The following ACTL6B variants were observed in gnomAD, a reference collection of about 807,000 sequenced individuals.
ACTL6B encodes actin-like protein 6B.
Under a neutral mutation model 63.3 loss-of-function variants are expected in ACTL6B, and 48 were observed. The observed-to-expected ratio is 0.76, with a 90% CI of 0.60 to 0.96. ACTL6B has a LOEUF of 0.96. ACTL6B is among the 50% of genes least tolerant of loss of function. The pLI, the probability that ACTL6B is intolerant of heterozygous loss-of-function variation, is 0.00. For synonymous variants in ACTL6B, 230 were observed against 223.8 expected (o/e 1.03, Z -0.25); for missense variants, 350 against 572.2 (o/e 0.61, Z 3.96).
At chr7:100,653,916 T>A (rs1013306037) in intron 4 of ACTL6B, among the ~76,000 whole-genome samples, 1 of 152,074 alleles carries the variant, frequency 6.6e-6, no homozygotes, top group Non-Finnish European at 1.5e-5. Flanking sequence ...AAACAGTTGC[T>A]TTTATAAAGA....
intron 4 of ACTL6B, among the ~76,000 whole-genome samples, chr7:100,650,701 G>A (rs2131336250): frequency 6.6e-6 from 1 of 152,190 alleles, no homozygotes; most frequent in Admixed American, 6.6e-5. Context: ...TAAGGAGCTT[G>A]TGGGAATTAA....
In ACTL6B at chr7:100,647,410, G is replaced by T. The variant is rs1391666036; in HGVS notation, c.759+34C>A. Reference sequence around the variant, plus strand: ...CCCGCCCCCGATTCATGGCAGGGGAGGGGGGTTTCAGGTGGCCCTCTCCAG... The same window carrying T: ...CCCGCCCCCGATTCATGGCAGGGGATGGGGGTTTCAGGTGGCCCTCTCCAG... On this transcript the variant is annotated intron_variant, in intron 8 of 13. Transcript: ENST00000160382. The surrounding 1 kb of genome is among the most constrained non-coding windows in gnomAD (Gnocchi z 4.4). 24 of 1,601,322 alleles carry T rather than the reference G, an allele frequency of 1.5e-5. No individual in the cohort carries two copies. Among genetic ancestry groups the T allele is most frequent in the Non-Finnish European group, 2.1e-5 (24 of 1,169,242 alleles).
chr7:100,644,701 C>T (rs1803789881), intron 13 of ACTL6B, among the ~76,000 whole-genome samples: 1 of 150,790 alleles, frequency 6.6e-6, no homozygotes, highest in African/African-American at 2.4e-5. Flanking sequence ...CCCGCCTTGG[C>T]CTCTCAAAGT....
In ACTL6B at chr7:100,655,352, C is replaced by CT; in HGVS notation, c.268+68dup. 6.5e-7 allele frequency: 1 copy of CT among 1,529,830 alleles called. No homozygotes were observed. Among genetic ancestry groups the CT allele is most frequent in the African/African-American group, 1.4e-5 (1 of 72,662 alleles). The allele number at this position is 1,529,830 out of a possible 1,614,324, so 94.8% of individuals were successfully genotyped here. A position where few individuals can be genotyped will look rare whatever the true frequency, so the allele number is the denominator to read the frequency against. ...AGGAAGACTCCGCGGGGAGTGGGGG[C>CT]TGCTATGACCCAGATTGTGGGGAGC... On this transcript the variant is annotated intron_variant, in intron 3 of 13. Coordinates refer to ENST00000160382, the MANE Select transcript of ACTL6B (RefSeq NM_016188.5). This position sits in a 1 kb window ranked among gnomAD's most constrained non-coding sequence, Gnocchi z 4.4.
At position 100,655,400 on chromosome 7, in the gene ACTL6B, T is replaced by C; in HGVS notation, c.268+21A>G. ...AGCGGGCTCCTTTTCTGTCAGGAGGTGATGGGTGGGGGCCCCTTACTCATG... is the reference window on the plus strand; with the variant it reads ...AGCGGGCTCCTTTTCTGTCAGGAGGCGATGGGTGGGGGCCCCTTACTCATG... On this transcript the variant is annotated intron_variant, in intron 3 of 13. Coordinates refer to ENST00000160382, the MANE Select transcript of ACTL6B (RefSeq NM_016188.5). This position sits in a 1 kb window ranked among gnomAD's most constrained non-coding sequence, Gnocchi z 4.4. The C allele has an allele frequency of 6.2e-7, 1 of 1,609,370 alleles. No individual in the cohort carries two copies. Among genetic ancestry groups the C allele is most frequent in the East Asian group, 2.2e-5 (1 of 44,782 alleles).
In ACTL6B at chr7:100,655,494, G is replaced by A; in HGVS notation, c.195C>T (p.Phe65=). 1 of 1,614,174 alleles carries A rather than the reference G, an allele frequency of 6.2e-7. No homozygotes were observed. Among genetic ancestry groups the A allele is most frequent in the Admixed American group, 1.7e-5 (1 of 60,020 alleles). Residue 65 remains phenylalanine (F), a synonymous_variant, in exon 3 of 14, where the codon TTC becomes TTT. Coordinates refer to ENST00000160382, the MANE Select transcript of ACTL6B (RefSeq NM_016188.5). This position sits in a 1 kb window ranked among gnomAD's most constrained non-coding sequence, Gnocchi z 4.4. ...EGDKEKKGKI[F]HIDTNALHVP... is the part of the protein sequence containing the mutation. ...CGTGCAGGGCATTGGTGTCGATGTG[G>A]AAGATCTTCCCTTTCTTCTCTTTGT...
rs144507688 is a variant in ACTL6B at position 100,650,253 on chromosome 7, A to C, written c.370-118T>G. Reference sequence around the variant, plus strand: ...CACGGTCACACACACACATCCAAACACTTGCACACACATACACAACCTAAA... The same window carrying C: ...CACGGTCACACACACACATCCAAACCCTTGCACACACATACACAACCTAAA... On this transcript the variant is annotated intron_variant, in intron 4 of 13. Transcript: ENST00000160382. 7.8e-6 allele frequency: 6 copies of C among 773,950 alleles called. No homozygotes were observed. In the African/African-American group the frequency reaches 1.0e-4, roughly 13 times the overall value. The allele number at this position is 773,950 out of a possible 1,614,324, so 47.9% of individuals were successfully genotyped here.
Position 100,646,451 on chromosome 7 carries a change from C to A in ACTL6B, c.1113+100G>T. On this transcript the variant is annotated intron_variant, in intron 12 of 13. Coordinates refer to ENST00000160382, the MANE Select transcript of ACTL6B (RefSeq NM_016188.5). This position sits in a 1 kb window ranked among gnomAD's most constrained non-coding sequence, Gnocchi z 6.1. ...GGGGCAGGGGTTCTGCTCTGGTGGC[C>A]AGAACAGAAGGAAGGACATGGGAAG... 3.2e-6 allele frequency: 5 copies of A among 1,554,056 alleles called. No homozygotes were observed. The highest frequency in any genetic ancestry group is 4.4e-6 in the Non-Finnish European group (5 of 1,128,518).
At position 100,655,217 on chromosome 7, in the gene ACTL6B, C is replaced by A. The variant is rs760613449; in HGVS notation, c.269-98G>T. 4.9e-6 allele frequency: 6 copies of A among 1,220,638 alleles called. No individual in the cohort carries two copies. The highest frequency in any genetic ancestry group is 4.7e-6 in the Non-Finnish European group (4 of 842,888). The allele number at this position is 1,220,638 out of a possible 1,614,324, so 75.6% of individuals were successfully genotyped here. A position where few individuals can be genotyped will look rare whatever the true frequency, so the allele number is the denominator to read the frequency against. On this transcript the variant is annotated intron_variant, in intron 3 of 13. Transcript: ENST00000160382. This position sits in a 1 kb window ranked among gnomAD's most constrained non-coding sequence, Gnocchi z 4.4. ...AGAAAGGCCAAGCCCAAAGGAGGGTCAGTGAGTCCAGCTCCAGGGGAACGC... is the reference window on the plus strand; with the variant it reads ...AGAAAGGCCAAGCCCAAAGGAGGGTAAGTGAGTCCAGCTCCAGGGGAACGC...
chr7:100,650,371 C>G (rs1584469634), intron 4 of ACTL6B, among the ~76,000 whole-genome samples: 1 of 151,774 alleles, frequency 6.6e-6, no homozygotes, highest in Middle Eastern at 3.4e-3. Context: ...CTCACATTCA[C>G]AGACACACAT....
chr7:100,644,425 C>T (rs1584466753), intron 13 of ACTL6B, among the ~76,000 whole-genome samples: 2 of 152,148 alleles, frequency 1.3e-5, no homozygotes, highest in East Asian at 1.9e-4. Flanking sequence ...CAAATTGAGA[C>T]GTGCTCTAAG....
In ACTL6B at chr7:100,655,281, AC is replaced by A; in HGVS notation, c.268+139del. ...AACCTGGTGGGCCCCTGGGAAGGGA[AC>A]CCAGCGAGAAGAACCCTGGCAGCCA... On this transcript the variant is annotated intron_variant, in intron 3 of 13. Coordinates refer to ENST00000160382, the MANE Select transcript of ACTL6B (RefSeq NM_016188.5). The surrounding 1 kb of genome is among the most constrained non-coding windows in gnomAD (Gnocchi z 4.4). 8.0e-7 allele frequency: 1 copy of A among 1,244,962 alleles called. No individual in the cohort carries two copies. Among genetic ancestry groups the A allele is most frequent in the Non-Finnish European group, 1.1e-6 (1 of 886,662 alleles). 77.1% of individuals were successfully genotyped at this position (1,244,962 alleles called of 1,614,324 possible).
At chr7:100,653,408 G>A (rs1803978947) in intron 4 of ACTL6B, among the ~76,000 whole-genome samples, 1 of 151,574 alleles carries the variant, frequency 6.6e-6, no homozygotes. Context: ...CCAGCCTTTT[G>A]GGAGGCCGAG....
At chr7:100,649,988 G>T in intron 5 of ACTL6B, 50 bp downstream of exon 5, 5 of 1,552,608 alleles carry the variant, frequency 3.2e-6, no homozygotes, top group Non-Finnish European at 4.4e-6. Flanking sequence ...CTCAGCACAG[G>T]CCCCACCCCA....
chr7:100,654,605 A>C (rs1274694783), intron 4 of ACTL6B, among the ~76,000 whole-genome samples: 2 of 151,516 alleles, frequency 1.3e-5, no homozygotes, highest in Non-Finnish European at 2.9e-5. Flanking sequence ...ACAAGGCGAA[A>C]CCCCCTGTCT....
rs756012495 is a variant in ACTL6B, at chr7:100,648,710, C to A, written c.562+19G>T. On this transcript the variant is annotated intron_variant, in intron 6 of 13. Transcript: ENST00000160382. This position sits in a 1 kb window ranked among gnomAD's most constrained non-coding sequence, Gnocchi z 4.4. ...ACCTGGTCCTCCTGGAGCACCCCCACCCCCTGCCGAAGCCCCACCTTGCTG... is the reference window on the plus strand; with the variant it reads ...ACCTGGTCCTCCTGGAGCACCCCCAACCCCTGCCGAAGCCCCACCTTGCTG... 7 of 1,613,746 alleles carry A rather than the reference C, an allele frequency of 4.3e-6. No homozygotes were observed. Among genetic ancestry groups the A allele is most frequent in the South Asian group, 2.2e-5 (2 of 91,052 alleles).
intron 4 of ACTL6B, among the ~76,000 whole-genome samples, chr7:100,652,479 C>T (rs1446648265): frequency 6.8e-6 from 1 of 147,894 alleles, no homozygotes; most frequent in Non-Finnish European, 1.5e-5. Context: ...CACCTGTAGT[C>T]CCAGCTACTC....
intron 5 of ACTL6B, 58 bp downstream of exon 5, chr7:100,649,980 C>G: frequency 6.6e-7 from 1 of 1,515,182 alleles, no homozygotes; most frequent in Non-Finnish European, 9.1e-7. Flanking sequence ...CAGCTGAGCT[C>G]AGCACAGGCC....
At position 100,646,167 on chromosome 7, in the gene ACTL6B, AG is replaced by A; in HGVS notation, c.1200+81del. 8.7e-7 allele frequency: 1 copy of A among 1,149,188 alleles called. No homozygotes were observed. Among genetic ancestry groups the A allele is most frequent in the Non-Finnish European group, 1.3e-6 (1 of 770,328 alleles). 71.2% of individuals were successfully genotyped at this position (1,149,188 alleles called of 1,614,324 possible). A position where few individuals can be genotyped will look rare whatever the true frequency, so the allele number is the denominator to read the frequency against. On this transcript the variant is annotated intron_variant, in intron 13 of 13. Coordinates refer to ENST00000160382, the MANE Select transcript of ACTL6B (RefSeq NM_016188.5). This position sits in a 1 kb window ranked among gnomAD's most constrained non-coding sequence, Gnocchi z 6.1. The stretch of plus-strand genomic sequence containing the variant: ...GTTTGTTGAATGAATGAATGAACGA[AG>A]AGGCAGTCAAAGTGGCGGGCACTGT...
Sources: gnomAD v4.1 joint callset for allele counts (sites outside exome capture counted in the v4.1 genomes callset) on GRCh38, gnomAD v4.1.1 for gene constraint, Gnocchi (gnomAD v3.1) non-coding constraint, MANE v1.5 for transcripts, NCBI Gene and HGNC (gene_info 2026-07-23, HGNC 2026-07-21) for gene names.